The following ATRNL1 variants were observed in gnomAD, a reference collection of about 807,000 sequenced individuals.
The protein encoded by ATRNL1 is attractin like 1.
Under a neutral mutation model 182.7 loss-of-function variants are expected in ATRNL1, and 95 were observed. That is an observed-to-expected ratio of 0.52 (90% CI 0.44 to 0.62). The LOEUF is 0.62. Ranked by LOEUF, ATRNL1 falls within the 20% of genes least tolerant of loss-of-function variation. The pLI is 0.00. For missense variants in ATRNL1, 1,471 were observed against 1,679.5 expected (o/e 0.88, Z 2.17); for synonymous variants, 576 against 568.3 (o/e 1.01, Z -0.19).
chr10:115,157,030 C>T (rs1022877108), intron 5 of ATRNL1, among the ~76,000 whole-genome samples: 1 of 151,836 alleles, frequency 6.6e-6, no homozygotes, highest in Admixed American at 6.6e-5. Flanking sequence ...GTAATATGTT[C>T]TAGTACAATA....
At chr10:115,343,250 G>A (rs192594902) in intron 19 of ATRNL1, among the ~76,000 whole-genome samples, 27 of 152,066 alleles carry the variant, frequency 1.8e-4, no homozygotes, top group Non-Finnish European at 3.4e-4. Context: ...TTAAGACCAC[G>A]AACTCTTAGA....
chr10:115,525,106 C>A (rs1451303303), intron 25 of ATRNL1, among the ~76,000 whole-genome samples: 2 of 152,096 alleles, frequency 1.3e-5, no homozygotes, highest in Non-Finnish European at 2.9e-5. Context: ...TTAAAATTAG[C>A]TGAAATCTGG....
At chr10:115,353,407 T>C (rs576226872) in intron 19 of ATRNL1, among the ~76,000 whole-genome samples, 1 of 152,226 alleles carries the variant, frequency 6.6e-6, no homozygotes, top group Non-Finnish European at 1.5e-5. Flanking sequence ...TTGTTTCCAT[T>C]TGCATGGAAT....
At chr10:115,691,838 C>T (rs116256692) in intron 26 of ATRNL1, among the ~76,000 whole-genome samples, 2,586 of 151,908 alleles carry the variant, frequency 0.017, 61 homozygotes, top group African/African-American at 0.057. Flanking sequence ...ATTAAGTTGT[C>T]GATTTTGTTT....
At chr10:115,213,934 A>G (rs1381234711) in intron 8 of ATRNL1, among the ~76,000 whole-genome samples, 6 of 151,994 alleles carry the variant, frequency 3.9e-5, no homozygotes, top group Non-Finnish European at 7.4e-5. Flanking sequence ...TATCAACACA[A>G]TGAAATTTAG....
chr10:115,802,486 GA>G (rs1261846018), intron 27 of ATRNL1, among the ~76,000 whole-genome samples: 1 of 152,096 alleles, frequency 6.6e-6, no homozygotes, highest in Non-Finnish European at 1.5e-5. Context: ...AAAACTTAAT[GA>G]AAAAATTACA....
At chr10:115,409,378 A>G (rs1331813693) in intron 20 of ATRNL1, among the ~76,000 whole-genome samples, 1 of 152,102 alleles carries the variant, frequency 6.6e-6, no homozygotes, top group Non-Finnish European at 1.5e-5. Context: ...TTGTTTGTAT[A>G]TTGAAATGCT....
chr10:115,094,143 C>T, intron 1 of ATRNL1, 100 bp downstream of exon 1: 1 of 1,179,678 alleles, frequency 8.5e-7, no homozygotes, highest in East Asian at 3.2e-5. Flanking sequence ...GTCGCTGCCT[C>T]TGATCCCCCG....
chr10:115,734,621 T>C (rs1013516358), intron 27 of ATRNL1, among the ~76,000 whole-genome samples: 1 of 152,090 alleles, frequency 6.6e-6, no homozygotes, highest in Non-Finnish European at 1.5e-5. Context: ...ATTCCTTGCC[T>C]TTTTACTTCT....
chr10:115,732,942 A>C (rs1555063648), intron 27 of ATRNL1, among the ~76,000 whole-genome samples: 1 of 152,226 alleles, frequency 6.6e-6, no homozygotes, highest in African/African-American at 2.4e-5. Context: ...AGTATATCAG[A>C]GAATTCCAGC....
At chr10:115,708,207 G>C (rs1374462894) in intron 26 of ATRNL1, among the ~76,000 whole-genome samples, 2 of 151,648 alleles carry the variant, frequency 1.3e-5, no homozygotes, top group African/African-American at 4.8e-5. Context: ...TTATCTTTTA[G>C]AGTAGGGTTC....
At chr10:115,767,697 T>C (rs1451570779) in intron 27 of ATRNL1, among the ~76,000 whole-genome samples, 1 of 152,184 alleles carries the variant, frequency 6.6e-6, no homozygotes, top group African/African-American at 2.4e-5. Flanking sequence ...TTTCAAGACG[T>C]CTATCATCCC....
chr10:115,155,809 T>C (rs569572040), intron 5 of ATRNL1, among the ~76,000 whole-genome samples: 2 of 152,158 alleles, frequency 1.3e-5, no homozygotes, highest in Non-Finnish European at 2.9e-5. Flanking sequence ...TTGAATGTTA[T>C]AGGAAAGGGA....
At chr10:115,564,835 A>G (rs1203104818) in intron 26 of ATRNL1, among the ~76,000 whole-genome samples, 1 of 152,012 alleles carries the variant, frequency 6.6e-6, no homozygotes, top group Admixed American at 6.6e-5. Context: ...CGCTAATAAT[A>G]GCATATTCTT....
chr10:115,146,984 A>C (rs1167133817), intron 5 of ATRNL1, among the ~76,000 whole-genome samples: 1 of 152,122 alleles, frequency 6.6e-6, no homozygotes, highest in Non-Finnish European at 1.5e-5. Flanking sequence ...CTTTGGATAA[A>C]TACCCAGTAG....
At chr10:115,900,013 T>C (rs1489596471) in intron 28 of ATRNL1, among the ~76,000 whole-genome samples, 1 of 152,212 alleles carries the variant, frequency 6.6e-6, no homozygotes, top group East Asian at 1.9e-4. Flanking sequence ...ATTTCAGGAA[T>C]TATTATAAAG....
intron 27 of ATRNL1, among the ~76,000 whole-genome samples, chr10:115,780,445 G>A (rs1949236039): frequency 6.6e-6 from 1 of 152,184 alleles, no homozygotes; most frequent in African/African-American, 2.4e-5. Context: ...GACCTTGGTA[G>A]GGGGCACAGG....
intron 24 of ATRNL1, among the ~76,000 whole-genome samples, chr10:115,482,987 A>G (rs78133486): frequency 0.038 from 5,770 of 151,466 alleles, 315 homozygotes; most frequent in Admixed American, 0.15. Flanking sequence ...AGAAGAGTAT[A>G]TATTTTATTT....
chr10:115,459,711 G>C (rs1554969342), intron 21 of ATRNL1, among the ~76,000 whole-genome samples: 1 of 151,954 alleles, frequency 6.6e-6, no homozygotes, highest in Non-Finnish European at 1.5e-5. Context: ...ATTCTATTAC[G>C]CTGTTAAGTA....
Sources: allele counts gnomAD v4.1 joint callset (sites outside exome capture counted in the v4.1 genomes callset), GRCh38; gene constraint gnomAD v4.1.1; transcripts MANE v1.5; gene names NCBI Gene and HGNC (gene_info 2026-07-23, HGNC 2026-07-21).